MCC: variants seen among roughly 807,000 people sequenced by gnomAD.
MCC encodes the protein colorectal mutant cancer protein.
Under a neutral mutation model 116.2 loss-of-function variants are expected in MCC, and 90 were observed. The observed-to-expected ratio is 0.77, with a 90% CI of 0.65 to 0.92. The LOEUF (loss-of-function observed/expected upper bound fraction) is 0.92, where lower values mean the gene tolerates loss of function less well. MCC is among the 40% of genes least tolerant of loss of function. The probability of loss-of-function intolerance (pLI) is 0.00; values close to 1 mark genes in which losing one functional copy is unlikely to be tolerated. For synonymous variants in MCC, 578 were observed against 510.5 expected (o/e 1.13, Z -1.78); for missense variants, 1,516 against 1,312.2 (o/e 1.16, Z -2.40).
At position 113,426,041 on chromosome 5, in the gene MCC, G is replaced by T. The variant is rs564946767; in HGVS notation, c.171-40829C>A. Among the ~76,000 whole-genome samples, 34 of 152,254 alleles carry T rather than the reference G, an allele frequency of 2.2e-4. No homozygotes were observed. In the South Asian group the frequency reaches 6.0e-3, roughly 27 times the overall value. On this transcript the variant is annotated intron_variant, in intron 1 of 18. Transcript: ENST00000408903. ...GAGGGAGCAGACAAGAACCAGGCAGGCCAGGTCCTCAAGGGACTGAGGGCT... is the reference window on the plus strand; with the variant it reads ...GAGGGAGCAGACAAGAACCAGGCAGTCCAGGTCCTCAAGGGACTGAGGGCT...
chr5:113,226,038 C>T lies in MCC; in HGVS notation c.628-74616G>A, dbSNP rs55970869. ...AAATACAAAACAAATTAGCCAGGTG[C>T]GGTGGCAGGTGCCTGTAATTCCAGC... On this transcript the variant is annotated intron_variant, in intron 3 of 18. Coordinates refer to ENST00000408903, the MANE Select transcript of MCC (RefSeq NM_001085377.2). Among the ~76,000 whole-genome samples, 1,072 of 152,272 alleles carry T rather than the reference C, an allele frequency of 7.0e-3. 4 individuals carry two copies. The highest frequency in any genetic ancestry group is 0.024 in the Middle Eastern group (7 of 294).
intron 5 of MCC, among the ~76,000 whole-genome samples, chr5:113,137,991 G>GTA (rs1758941369): frequency 6.6e-6 from 1 of 151,820 alleles, no homozygotes; most frequent in African/African-American, 2.4e-5. Context: ...AGTCTTCTAG[G>GTA]GTAGTCACAG....
chr5:113,270,743 T>C (rs1581346785), intron 3 of MCC, among the ~76,000 whole-genome samples: 1 of 150,930 alleles, frequency 6.6e-6, no homozygotes, highest in African/African-American at 2.4e-5. Flanking sequence ...CCAAATTCCA[T>C]GTGACCTGAG....
intron 3 of MCC, among the ~76,000 whole-genome samples, chr5:113,332,033 C>T (rs1007708273): frequency 6.6e-6 from 1 of 151,636 alleles, no homozygotes; most frequent in Admixed American, 6.6e-5. Flanking sequence ...ACAACAACGT[C>T]ATCTTGAGAC....
chr5:113,251,381 T>A (rs1764794439), intron 3 of MCC, among the ~76,000 whole-genome samples: 1 of 152,230 alleles, frequency 6.6e-6, no homozygotes, highest in Non-Finnish European at 1.5e-5. Context: ...AATACCACCA[T>A]AATGTGTACT....
chr5:113,165,293 A>G (rs955673742), intron 3 of MCC, among the ~76,000 whole-genome samples: 8 of 152,330 alleles, frequency 5.3e-5, no homozygotes, highest in Non-Finnish European at 1.2e-4. Flanking sequence ...AAACCACAAC[A>G]TACTAGTAAT....
At chr5:113,030,235 G>C (rs1482516418) in intron 17 of MCC, among the ~76,000 whole-genome samples, 2 of 152,098 alleles carry the variant, frequency 1.3e-5, no homozygotes, top group Non-Finnish European at 2.9e-5. Context: ...GAGATATCAG[G>C]AGCACAGGTT....
chr5:113,142,029 T>C (rs1356226257), intron 5 of MCC, among the ~76,000 whole-genome samples: 1 of 152,200 alleles, frequency 6.6e-6, no homozygotes, highest in Non-Finnish European at 1.5e-5. Flanking sequence ...AAGACCAATA[T>C]ACAATTTAAA....
At chr5:113,293,630 T>C (rs953128038) in intron 3 of MCC, among the ~76,000 whole-genome samples, 5 of 152,226 alleles carry the variant, frequency 3.3e-5, no homozygotes, top group African/African-American at 1.2e-4. Flanking sequence ...CACATTTGCA[T>C]AGTGTTTGAT....
At chr5:113,394,058 T>A (rs1466911055) in intron 1 of MCC, among the ~76,000 whole-genome samples, 1 of 152,224 alleles carries the variant, frequency 6.6e-6, no homozygotes, top group Non-Finnish European at 1.5e-5. Context: ...TAGATACAAT[T>A]GACTGTCATA....
chr5:113,224,236 G>A (rs1319926270), intron 3 of MCC, among the ~76,000 whole-genome samples: 3 of 152,110 alleles, frequency 2.0e-5, no homozygotes, highest in South Asian at 4.2e-4. Flanking sequence ...TTGGGATCAG[G>A]CACGCGCGAC....
intron 2 of MCC, among the ~76,000 whole-genome samples, chr5:113,366,038 CT>C (rs1316390169): frequency 6.6e-6 from 1 of 152,178 alleles, no homozygotes; most frequent in Non-Finnish European, 1.5e-5. Context: ...CATATCACCT[CT>C]CTTTCATATT....
intron 1 of MCC, among the ~76,000 whole-genome samples, chr5:113,456,849 G>A (rs772817294): frequency 9.9e-5 from 15 of 151,758 alleles, no homozygotes; most frequent in Non-Finnish European, 1.9e-4. Context: ...ACTTTTGAGT[G>A]TCATGTCAGT....
chr5:113,199,745 A>C (rs1452563634), intron 3 of MCC, among the ~76,000 whole-genome samples: 1 of 152,168 alleles, frequency 6.6e-6, no homozygotes, highest in African/African-American at 2.4e-5. Context: ...TGCTGAAGTA[A>C]ATGAGGCCAA....
chr5:113,249,996 A>AT (rs2150343257), intron 3 of MCC, among the ~76,000 whole-genome samples: 1 of 152,358 alleles, frequency 6.6e-6, no homozygotes, highest in South Asian at 2.1e-4. Flanking sequence ...ATAATGCAGT[A>AT]TTTCAGGAAC....
At chr5:113,390,146 C>A (rs1350366841) in intron 1 of MCC, among the ~76,000 whole-genome samples, 17 of 152,040 alleles carry the variant, frequency 1.1e-4, no homozygotes, top group Admixed American at 6.6e-5. Context: ...AACACATATT[C>A]ATTGTAGAAA....
chr5:113,165,880 T>A (rs1422062057), intron 3 of MCC, among the ~76,000 whole-genome samples: 2 of 151,258 alleles, frequency 1.3e-5, no homozygotes, highest in African/African-American at 4.8e-5. Context: ...ACTTCTTTCA[T>A]CATATATTTT....
At chr5:113,220,561 A>C (rs1301108232) in intron 3 of MCC, among the ~76,000 whole-genome samples, 2 of 152,172 alleles carry the variant, frequency 1.3e-5, no homozygotes, top group Admixed American at 1.3e-4. Context: ...TTTATCTCTA[A>C]GTATTTCATA....
chr5:113,402,017 G>A (rs13356388), intron 1 of MCC, among the ~76,000 whole-genome samples: 15,445 of 151,596 alleles, frequency 0.1, 1,294 homozygotes, highest in African/African-American at 0.22. Context: ...ACTCAGGGCC[G>A]GGCGCGGTGG....
Sources: allele counts gnomAD v4.1 joint callset (sites outside exome capture counted in the v4.1 genomes callset), GRCh38; gene constraint gnomAD v4.1.1; transcripts MANE v1.5; gene names NCBI Gene and HGNC (gene_info 2026-07-23, HGNC 2026-07-21).